GADL1: variants seen among roughly 807,000 people sequenced by gnomAD.
GADL1 encodes acidic amino acid decarboxylase GADL1.
Under a neutral mutation model 69.5 loss-of-function variants are expected in GADL1, and 71 were observed. The observed-to-expected ratio is 1.02, with a 90% CI of 0.84 to 1.25. GADL1 has a LOEUF of 1.25. Ranked by LOEUF, GADL1 falls within the 50% of genes most tolerant of loss-of-function variation. The pLI is 0.00. For synonymous variants in GADL1, 254 were observed against 214.4 expected (o/e 1.18, Z -1.62); for missense variants, 737 against 631.8 (o/e 1.17, Z -1.79).
chr3:30,762,634 CTTT>C lies in GADL1; in HGVS notation c.1392+15542_1392+15544del, dbSNP rs954261631. ...TTGAGTTGCAAATGTCCCAACCACA[CTTT>C]TTAAGTTATTTAAAAATGTAGTTAT... is the stretch of plus-strand genomic sequence containing the variant. On this transcript the variant is annotated intron_variant, in intron 14 of 14. Transcript: ENST00000282538. 1.4e-4 allele frequency among the ~76,000 whole-genome samples: 22 copies of C among 152,288 alleles called. No individual in the cohort carries two copies. The East Asian group carries it at 1.7e-3, about 12-fold the overall frequency.
chr3:30,870,487 G>A (rs1375931532), intron 1 of GADL1, among the ~76,000 whole-genome samples: 1 of 151,766 alleles, frequency 6.6e-6, no homozygotes, highest in Non-Finnish European at 1.5e-5. Flanking sequence ...ACTGGGAGCA[G>A]ATCAGGTAAG....
intron 14 of GADL1, among the ~76,000 whole-genome samples, chr3:30,728,658 A>G (rs1384559755): frequency 2.6e-5 from 4 of 152,220 alleles, no homozygotes; most frequent in Non-Finnish European, 4.4e-5. Flanking sequence ...TAATGTGCCC[A>G]TTTATGGTCG....
chr3:30,893,136 G>A (rs535912885), intron 1 of GADL1, among the ~76,000 whole-genome samples: 167 of 152,348 alleles, frequency 1.1e-3, no homozygotes, highest in Non-Finnish European at 2.1e-3. Flanking sequence ...GATTATAGGC[G>A]TGAGCCATCA....
At position 30,746,479 on chromosome 3, in the gene GADL1, T is replaced by C. The variant is rs775337977; in HGVS notation, c.1393-18064A>G. On this transcript the variant is annotated intron_variant, in intron 14 of 14. Transcript: ENST00000282538. ...GGAACATGAAGAACATGAGAGATGC[T>C]AATAGTCATCACCATCAATATTTTC... 1.1e-3 allele frequency among the ~76,000 whole-genome samples: 163 copies of C among 152,140 alleles called. 5 individuals carry two copies. The highest frequency in any genetic ancestry group is 3.2e-4 in the Non-Finnish European group (22 of 68,014).
intron 1 of GADL1, among the ~76,000 whole-genome samples, chr3:30,886,425 A>G (rs1018978626): frequency 6.6e-6 from 1 of 152,124 alleles, no homozygotes; most frequent in Non-Finnish European, 1.5e-5. Flanking sequence ...ACCGTCCCCC[A>G]TGAGTAACTG....
intron 14 of GADL1, among the ~76,000 whole-genome samples, chr3:30,766,979 T>C (rs1029908247): frequency 6.6e-6 from 1 of 152,152 alleles, no homozygotes; most frequent in Non-Finnish European, 1.5e-5. Context: ...CCTTCAAATA[T>C]GAGGTAACAG....
intron 1 of GADL1, among the ~76,000 whole-genome samples, chr3:30,890,452 C>T (rs1006364759): frequency 6.6e-6 from 1 of 152,150 alleles, no homozygotes; most frequent in East Asian, 1.9e-4. Context: ...CTTTACCAAA[C>T]ACATTAGAAA....
intron 14 of GADL1, among the ~76,000 whole-genome samples, chr3:30,747,504 ACATCTACC>A (rs2125475828): frequency 6.6e-6 from 1 of 152,344 alleles, no homozygotes; most frequent in East Asian, 1.9e-4. Flanking sequence ...GGATAAATTC[ACATCTACC>A]CATACATTTC....
intron 1 of GADL1, among the ~76,000 whole-genome samples, chr3:30,884,040 C>G (rs1698674985): frequency 6.6e-6 from 1 of 151,944 alleles, no homozygotes; most frequent in Admixed American, 6.6e-5. Context: ...ACTCCAAATG[C>G]TTCCACGTCT....
At chr3:30,863,511 C>T (rs1698352466) in intron 1 of GADL1, among the ~76,000 whole-genome samples, 2 of 151,970 alleles carry the variant, frequency 1.3e-5, no homozygotes, top group African/African-American at 4.8e-5. Context: ...CAACTCAATC[C>T]AGATATTCAA....
At chr3:30,793,336 G>A (rs1030384733) in intron 12 of GADL1, among the ~76,000 whole-genome samples, 3 of 151,904 alleles carry the variant, frequency 2.0e-5, no homozygotes, top group East Asian at 1.9e-4. Context: ...CTTATTCCTC[G>A]TAACTTTTTT....
chr3:30,807,215 G>T (rs1276065321), intron 11 of GADL1, among the ~76,000 whole-genome samples: 1 of 152,124 alleles, frequency 6.6e-6, no homozygotes, highest in East Asian at 1.9e-4. Context: ...ACCCCTCCCA[G>T]CTGTCACTGC....
At chr3:30,773,959 GAAA>G (rs1389744396) in intron 14 of GADL1, among the ~76,000 whole-genome samples, 3 of 152,098 alleles carry the variant, frequency 2.0e-5, no homozygotes, top group East Asian at 1.9e-4. Flanking sequence ...TTTGATTAGT[GAAA>G]GATATCCAGT....
In GADL1 at chr3:30,728,017, A is replaced by C. The variant is rs1351208078; in HGVS notation, c.*225T>G. The stretch of plus-strand genomic sequence containing the variant: ...TGTGTTCCAGGGGCATTCCTTGAGA[A>C]AATCATTTTTTTTTTTAAACTTTCT... On this transcript the variant is annotated 3_prime_UTR_variant, in exon 15 of 15. Transcript: ENST00000282538. 4.5e-6 allele frequency: 2 copies of C among 439,626 alleles called. No homozygotes were observed. Among genetic ancestry groups the C allele is most frequent in the Non-Finnish European group, 8.1e-6 (2 of 246,456 alleles). The allele number at this position is 439,626 out of a possible 1,614,324, so 27.2% of individuals were successfully genotyped here.
At position 30,844,166 on chromosome 3, in the gene GADL1, C is replaced by T. The variant is rs1216011723; in HGVS notation, c.786+44G>A. ...TTTCATAAGCGCGCGGGCGTGCGCGCACACACACACGTTCTCTCTCCCTCT... is the reference window on the plus strand; with the variant it reads ...TTTCATAAGCGCGCGGGCGTGCGCGTACACACACACGTTCTCTCTCCCTCT... On this transcript the variant is annotated intron_variant, in intron 8 of 14. Coordinates refer to ENST00000282538, the MANE Select transcript of GADL1 (RefSeq NM_207359.3). 6 of 1,463,184 alleles carry T rather than the reference C, an allele frequency of 4.1e-6. No homozygotes were observed. In the African/African-American group the frequency reaches 4.2e-5, roughly 10 times the overall value. 90.6% of individuals were successfully genotyped at this position (1,463,184 alleles called of 1,614,324 possible). A position where few individuals can be genotyped will look rare whatever the true frequency, so the allele number is the denominator to read the frequency against.
chr3:30,847,664 C>T (rs1698080341), intron 6 of GADL1, among the ~76,000 whole-genome samples: 1 of 152,172 alleles, frequency 6.6e-6, no homozygotes, highest in South Asian at 2.1e-4. Context: ...AAATTCAAGG[C>T]TACAGTGTGC....
chr3:30,800,211 GT>G (rs1297835953), intron 12 of GADL1: 1 of 153,006 alleles, frequency 6.5e-6, no homozygotes, highest in Non-Finnish European at 1.5e-5. Context: ...TGGACTTACA[GT>G]TCCACATGGC....
chr3:30,876,596 C>T (rs1009698652), intron 1 of GADL1, among the ~76,000 whole-genome samples: 3 of 151,922 alleles, frequency 2.0e-5, no homozygotes, highest in African/African-American at 4.8e-5. Flanking sequence ...TAGAGTGTTT[C>T]TTCAGGTGTC....
chr3:30,830,583 C>G (rs1697770723), intron 11 of GADL1, among the ~76,000 whole-genome samples: 1 of 151,870 alleles, frequency 6.6e-6, no homozygotes, highest in African/African-American at 2.4e-5. Flanking sequence ...TATCTAATCT[C>G]TCAATGCTAA....
Sources: gnomAD v4.1 joint callset for allele counts (sites outside exome capture counted in the v4.1 genomes callset) on GRCh38, gnomAD v4.1.1 for gene constraint, MANE v1.5 for transcripts, NCBI Gene and HGNC (gene_info 2026-07-23, HGNC 2026-07-21) for gene names.